TMEM108: variants seen among roughly 807,000 people sequenced by gnomAD.
TMEM108 encodes cancer/testis antigen 124.
TMEM108 carries 12 observed loss-of-function variants against 35.1 expected under a neutral mutation model. The observed-to-expected ratio is 0.34, with a 90% CI of 0.22 to 0.55. The LOEUF (loss-of-function observed/expected upper bound fraction) is 0.55, where lower values mean the gene tolerates loss of function less well. Ranked by LOEUF, TMEM108 falls within the 20% of genes least tolerant of loss-of-function variation. The probability of loss-of-function intolerance (pLI) is 0.89; values close to 1 mark genes in which losing one functional copy is unlikely to be tolerated. For synonymous variants in TMEM108, 287 were observed against 308.6 expected, an observed-to-expected ratio of 0.93 and a Z score of 0.73; for missense variants, 680 against 753.3, an observed-to-expected ratio of 0.90 and a Z score of 1.14.
chr3:133,212,221 A>G (rs1247063776), intron 2 of TMEM108, among the ~76,000 whole-genome samples: 1 of 152,220 alleles, frequency 6.6e-6, no homozygotes, highest in Non-Finnish European at 1.5e-5. Context: ...TCTGGCTTGT[A>G]GTCTTGGCCT....
intron 1 of TMEM108, among the ~76,000 whole-genome samples, chr3:133,044,038 G>A (rs1439461728): frequency 6.6e-6 from 1 of 152,132 alleles, no homozygotes; most frequent in South Asian, 2.1e-4. Context: ...TACTTTTGGT[G>A]CCATGGTGAC....
intron 2 of TMEM108, among the ~76,000 whole-genome samples, chr3:133,216,064 G>GT (rs1474412435): frequency 1.0e-3 from 157 of 150,588 alleles, no homozygotes; most frequent in Middle Eastern, 3.4e-3. Flanking sequence ...ACACCACCTT[G>GT]TTTTTTTTTC....
intron 3 of TMEM108, among the ~76,000 whole-genome samples, chr3:133,331,330 G>C (rs2071390965): frequency 6.6e-6 from 1 of 152,188 alleles, no homozygotes; most frequent in African/African-American, 2.4e-5. Context: ...TTACACAGGA[G>C]GGAAATGATA....
intron 2 of TMEM108, among the ~76,000 whole-genome samples, chr3:133,086,606 C>T (rs1943885123): frequency 1.3e-5 from 2 of 152,122 alleles, no homozygotes; most frequent in African/African-American, 4.8e-5. Context: ...GTGAAACAGG[C>T]CCTCTCTTTA....
chr3:133,117,838 T>G (rs1944306114), intron 2 of TMEM108, among the ~76,000 whole-genome samples: 1 of 152,214 alleles, frequency 6.6e-6, no homozygotes, highest in Non-Finnish European at 1.5e-5. Context: ...CATTGCTGGC[T>G]GCTGTTTCTC....
intron 3 of TMEM108, among the ~76,000 whole-genome samples, chr3:133,291,293 A>G (rs777980961): frequency 2.0e-5 from 3 of 147,756 alleles, no homozygotes; most frequent in South Asian, 2.2e-4. Flanking sequence ...TTGTTTGTCT[A>G]TTTTTGAGAC....
At chr3:133,160,868 A>C (rs6784028) in intron 2 of TMEM108, among the ~76,000 whole-genome samples, 1 of 151,908 alleles carries the variant, frequency 6.6e-6, no homozygotes, top group Non-Finnish European at 1.5e-5. Flanking sequence ...GGTGGTTTAA[A>C]GATTTGATGC....
intron 2 of TMEM108, among the ~76,000 whole-genome samples, chr3:133,162,783 A>G (rs1369550241): frequency 1.3e-5 from 2 of 152,216 alleles, no homozygotes; most frequent in Admixed American, 6.5e-5. Flanking sequence ...TGGGAATAGA[A>G]ATTATTTCCC....
chr3:133,317,979 A>C (rs2071220259), intron 3 of TMEM108, among the ~76,000 whole-genome samples: 1 of 152,220 alleles, frequency 6.6e-6, no homozygotes, highest in Non-Finnish European at 1.5e-5. Context: ...CCAGTAGTCT[A>C]ATTTTGGAAT....
intron 2 of TMEM108, among the ~76,000 whole-genome samples, chr3:133,067,837 T>G (rs1206868232): frequency 6.6e-6 from 1 of 152,086 alleles, no homozygotes; most frequent in African/African-American, 2.4e-5. Context: ...GCTGGGTAAT[T>G]TATAAGGAAC....
intron 3 of TMEM108, among the ~76,000 whole-genome samples, chr3:133,317,740 A>G (rs1450545687): frequency 6.6e-6 from 1 of 152,236 alleles, no homozygotes; most frequent in Non-Finnish European, 1.5e-5. Flanking sequence ...TACTTTCTAT[A>G]TGCCAGACAC....
chr3:133,071,196 G>T (rs1199906181), intron 2 of TMEM108, among the ~76,000 whole-genome samples: 1 of 152,142 alleles, frequency 6.6e-6, no homozygotes, highest in East Asian at 1.9e-4. Context: ...CCATAGCAGT[G>T]TATCACAGAG....
intron 2 of TMEM108, among the ~76,000 whole-genome samples, chr3:133,074,649 C>T (rs907592856): frequency 8.5e-5 from 13 of 152,156 alleles, no homozygotes; most frequent in African/African-American, 2.9e-4. Context: ...CTACCACACC[C>T]AGCTAATTTT....
intron 3 of TMEM108, among the ~76,000 whole-genome samples, chr3:133,271,444 G>T (rs1448973529): frequency 3.3e-5 from 5 of 152,174 alleles, no homozygotes; most frequent in Non-Finnish European, 5.9e-5. Context: ...TGTCATTTTT[G>T]ACTAGGAAAA....
At chr3:133,095,974 A>G (rs953852466) in intron 2 of TMEM108, among the ~76,000 whole-genome samples, 1 of 152,136 alleles carries the variant, frequency 6.6e-6, no homozygotes, top group African/African-American at 2.4e-5. Flanking sequence ...TTTCCATTCA[A>G]CAGCAGCGTT....
intron 2 of TMEM108, among the ~76,000 whole-genome samples, chr3:133,139,088 G>A (rs750910597): frequency 6.6e-6 from 1 of 152,112 alleles, no homozygotes; most frequent in Non-Finnish European, 1.5e-5. Flanking sequence ...CAAAGGACAT[G>A]AACTCATCCT....
At chr3:133,344,163 A>T (rs546009101) in intron 3 of TMEM108, among the ~76,000 whole-genome samples, 11 of 151,988 alleles carry the variant, frequency 7.2e-5, no homozygotes, top group Non-Finnish European at 1.3e-4. Context: ...AAAAACCCTT[A>T]AATTCAAAAA....
At chr3:133,122,640 C>T (rs891902804) in intron 2 of TMEM108, among the ~76,000 whole-genome samples, 3 of 152,014 alleles carry the variant, frequency 2.0e-5, no homozygotes, top group East Asian at 1.9e-4. Flanking sequence ...CTGAGGTGGA[C>T]GGATCGAGGT....
chr3:133,272,768 A>G (rs1946790502), intron 3 of TMEM108, among the ~76,000 whole-genome samples: 3 of 152,222 alleles, frequency 2.0e-5, no homozygotes, highest in Non-Finnish European at 4.4e-5. Context: ...AGATGGGGAA[A>G]GTGAACCTGA....
Sources: allele counts gnomAD v4.1 joint callset (sites outside exome capture counted in the v4.1 genomes callset), GRCh38; gene constraint gnomAD v4.1.1; transcripts MANE v1.5; gene names NCBI Gene and HGNC (gene_info 2026-07-23, HGNC 2026-07-21).